Variants in DYNC2H1 observed in about 807,000 individuals in gnomAD.
DYNC2H1 encodes the protein dynein cytoplasmic 2 heavy chain 1.
A neutral mutation model predicts 570.0 loss-of-function variants in DYNC2H1; 410 were observed. The observed-to-expected ratio is 0.72, with a 90% CI of 0.66 to 0.78. DYNC2H1 has a LOEUF of 0.78. Among genes scored for constraint, DYNC2H1 ranks in the 30% least tolerant of loss-of-function variants. DYNC2H1 has a pLI of 0.00. For missense variants in DYNC2H1, 4,865 were observed against 5,046.4 expected (o/e 0.96, Z 1.09); for synonymous variants, 1,688 against 1,677.6 (o/e 1.01, Z -0.15).
intron 70 of DYNC2H1, among the ~76,000 whole-genome samples, chr11:103,267,291 C>T (rs1865548205): frequency 6.6e-6 from 1 of 151,178 alleles, no homozygotes; most frequent in Non-Finnish European, 1.5e-5. Context: ...TGCTTTCCCT[C>T]TGAAGATCTG....
At position 103,299,099 on chromosome 11, in the gene DYNC2H1, A is replaced by T. The variant is rs1046903187; in HGVS notation, c.11096-3994A>T. On this transcript the variant is annotated intron_variant, in intron 75 of 88. Transcript: ENST00000375735. This position sits in a 1 kb window ranked among gnomAD's most constrained non-coding sequence, Gnocchi z 4.5. ...TACTATGTGTATTGAGGTATTGGAAATGTAAAGAGACATGTCCCCATACGG... is the reference window on the plus strand; with the variant it reads ...TACTATGTGTATTGAGGTATTGGAATTGTAAAGAGACATGTCCCCATACGG... Among the ~76,000 whole-genome samples, 1 of 152,114 alleles carries T rather than the reference A, an allele frequency of 6.6e-6. No homozygotes were observed. The highest frequency in any genetic ancestry group is 2.4e-5 in the African/African-American group (1 of 41,424).
chr11:103,215,647 C>T (rs1863348565), intron 54 of DYNC2H1, 74 bp from the exon 55 acceptor site: 1 of 1,337,856 alleles, frequency 7.5e-7, no homozygotes, highest in Non-Finnish European at 9.6e-7. Flanking sequence ...TGATTCTTTT[C>T]TATAGGGCTT....
Position 103,397,446 on chromosome 11 carries a change from G to C in DYNC2H1, c.12157-2217G>C, listed in dbSNP as rs558077717. Among the ~76,000 whole-genome samples the C allele has an allele frequency of 1.1e-3, 163 of 152,248 alleles. 1 individual carries two copies. The highest frequency in any genetic ancestry group is 3.9e-3 in the African/African-American group (160 of 41,534). The stretch of plus-strand genomic sequence containing the variant: ...GCTATATTTGAATTATAAATGTTGA[G>C]TTTATTTTCAAGACTACGTAACATA... On this transcript the variant is annotated intron_variant, in intron 83 of 88. Coordinates refer to ENST00000375735, the MANE Select transcript of DYNC2H1 (RefSeq NM_001377.3).
chr11:103,345,059 G>A (rs926500717), intron 82 of DYNC2H1, among the ~76,000 whole-genome samples: 1 of 152,046 alleles, frequency 6.6e-6, no homozygotes, highest in Non-Finnish European at 1.5e-5. Flanking sequence ...ATGCATTTGT[G>A]CCCAAAAACA....
intron 47 of DYNC2H1, among the ~76,000 whole-genome samples, chr11:103,194,788 G>A (rs936912693): frequency 7.9e-5 from 12 of 152,086 alleles, no homozygotes; most frequent in African/African-American, 2.7e-4. Flanking sequence ...TGTAATCTCT[G>A]CTCACTGCAA....
Position 103,399,794 on chromosome 11 carries a change from T to C in DYNC2H1, c.12288T>C (p.Ala4096=), listed in dbSNP as rs752497916. The C allele has an allele frequency of 6.2e-7, 1 of 1,613,844 alleles. No individual in the cohort carries two copies. Among genetic ancestry groups the C allele is most frequent in the Non-Finnish European group, 8.5e-7 (1 of 1,179,874 alleles). Reference sequence around the variant, plus strand: ...AAAGTGTCCACCAGTCTCTTGCTGCTCTCAGCAAAGTCATCAGAGGAACTA... The same window carrying C: ...AAAGTGTCCACCAGTCTCTTGCTGCCCTCAGCAAAGTCATCAGAGGAACTA... The part of the protein sequence containing the change: ...LVQSVHQSLA[A]LSKVIRGTTL... The change falls in exon 84 of 89, where the codon GCT becomes GCC. Residue 4096 remains alanine (A), a synonymous_variant. Coordinates refer to ENST00000375735, the MANE Select transcript of DYNC2H1 (RefSeq NM_001377.3).
chr11:103,246,446 G>T (rs555590292), intron 65 of DYNC2H1, among the ~76,000 whole-genome samples: 1 of 151,968 alleles, frequency 6.6e-6, no homozygotes, highest in Non-Finnish European at 1.5e-5. Context: ...GGTATGTGTG[G>T]CATTGTCTGA....
chr11:103,255,664 C>T (rs1174916779), intron 67 of DYNC2H1, 130 bp downstream of exon 67: 2 of 916,562 alleles, frequency 2.2e-6, no homozygotes, highest in African/African-American at 1.8e-5. Flanking sequence ...GTATATCTTA[C>T]AGTCAAAATT....
At chr11:103,426,990 T>C (rs932016887) in intron 84 of DYNC2H1, among the ~76,000 whole-genome samples, 2 of 152,210 alleles carry the variant, frequency 1.3e-5, no homozygotes, top group Non-Finnish European at 2.9e-5. Flanking sequence ...TTAACATGGT[T>C]AGTGTGCTAA....
chr11:103,375,942 G>T (rs994274323), intron 83 of DYNC2H1, among the ~76,000 whole-genome samples: 1 of 152,094 alleles, frequency 6.6e-6, no homozygotes, highest in Non-Finnish European at 1.5e-5. Context: ...ATATGGTTTG[G>T]CAGTGTCTTT....
intron 1 of DYNC2H1, among the ~76,000 whole-genome samples, chr11:103,110,235 G>A (rs1398775192): frequency 6.6e-6 from 1 of 151,984 alleles, no homozygotes; most frequent in Non-Finnish European, 1.5e-5. Context: ...TGGCCATGTG[G>A]GTCTCCATCT....
At chr11:103,359,645 C>A (rs1258617296) in intron 83 of DYNC2H1, among the ~76,000 whole-genome samples, 3 of 150,514 alleles carry the variant, frequency 2.0e-5, no homozygotes, top group Non-Finnish European at 4.4e-5. Flanking sequence ...TTCCCCAAAC[C>A]CTCATTTACT....
chr11:103,304,763 C>T (rs768733497), intron 77 of DYNC2H1, 43 bp downstream of exon 77: 13 of 1,571,604 alleles, frequency 8.3e-6, no homozygotes, highest in African/African-American at 4.1e-5. Context: ...TTATACTCAA[C>T]TTAGCAATCT....
At chr11:103,114,068 A>T (rs780782483) in intron 2 of DYNC2H1, 35 bp from the exon 3 acceptor site, 4 of 1,596,512 alleles carry the variant, frequency 2.5e-6, no homozygotes, top group Non-Finnish European at 1.7e-6. Context: ...CAAAATTTTG[A>T]TCAATCTTGG....
At position 103,465,669 on chromosome 11, in the gene DYNC2H1, G is replaced by A. The variant is rs1945174786; in HGVS notation, c.12649-2920G>A. 6.6e-6 allele frequency among the ~76,000 whole-genome samples: 1 copy of A among 152,016 alleles called. No homozygotes were observed. The highest frequency in any genetic ancestry group is 2.1e-4 in the South Asian group (1 of 4,826). ...CCATGCTGGCCTCATTCATATATATGGCAACTGGTGCTAGCTCAGTCCTTC... is the reference window on the plus strand; with the variant it reads ...CCATGCTGGCCTCATTCATATATATAGCAACTGGTGCTAGCTCAGTCCTTC... On this transcript the variant is annotated intron_variant, in intron 87 of 88. Coordinates refer to ENST00000375735, the MANE Select transcript of DYNC2H1 (RefSeq NM_001377.3). The surrounding 1 kb of genome is among the most constrained non-coding windows in gnomAD (Gnocchi z 4.9).
intron 82 of DYNC2H1, among the ~76,000 whole-genome samples, chr11:103,333,611 C>T (rs765886355): frequency 3.3e-5 from 5 of 152,094 alleles, no homozygotes; most frequent in South Asian, 4.1e-4. Context: ...AACAGGAAAG[C>T]CTATATTCAT....
chr11:103,357,727 A>G (rs1033368889), intron 82 of DYNC2H1, among the ~76,000 whole-genome samples: 5 of 152,168 alleles, frequency 3.3e-5, no homozygotes, highest in Admixed American at 1.3e-4. Context: ...CCGAAGTGGG[A>G]GGATCGCTTG....
chr11:103,258,542 G>T (rs1051813594), intron 69 of DYNC2H1, among the ~76,000 whole-genome samples: 1 of 151,620 alleles, frequency 6.6e-6, no homozygotes, highest in Non-Finnish European at 1.5e-5. Context: ...GGCTAAGACA[G>T]GTGCTTCACT....
intron 83 of DYNC2H1, among the ~76,000 whole-genome samples, chr11:103,370,903 G>A (rs1470537525): frequency 2.0e-5 from 3 of 152,098 alleles, no homozygotes; most frequent in South Asian, 2.1e-4. Flanking sequence ...CTTCAATGCC[G>A]AGACACCAAA....
Sources: gnomAD v4.1 joint callset for allele counts (sites outside exome capture counted in the v4.1 genomes callset) on GRCh38, gnomAD v4.1.1 for gene constraint, Gnocchi (gnomAD v3.1) non-coding constraint, MANE v1.5 for transcripts, NCBI Gene and HGNC (gene_info 2026-07-23, HGNC 2026-07-21) for gene names.